The following ERAP1 variants were observed in gnomAD, a reference collection of about 807,000 sequenced individuals.
ERAP1 encodes the protein adipocyte-derived leucine aminopeptidase.
A neutral mutation model predicts 103.7 loss-of-function variants in ERAP1; 86 were observed. The observed-to-expected ratio is 0.83, with a 90% CI of 0.70 to 0.99. The LOEUF (loss-of-function observed/expected upper bound fraction) is 0.99. ERAP1 is among the 50% of genes least tolerant of loss of function. The probability of loss-of-function intolerance (pLI) is 0.00; values close to 1 mark genes in which losing one functional copy is unlikely to be tolerated. For synonymous variants in ERAP1, 398 were observed against 402.4 expected, an observed-to-expected ratio of 0.99 and a Z score of 0.13; for missense variants, 1,009 against 1,128.4, an observed-to-expected ratio of 0.89 and a Z score of 1.52.
intron 14 of ERAP1, among the ~76,000 whole-genome samples, 168 bp from the exon 15 acceptor site, chr5:96,783,403 AAAT>A (rs1360398709): frequency 6.6e-6 from 1 of 151,610 alleles, no homozygotes; most frequent in Non-Finnish European, 1.5e-5. Flanking sequence ...CAAAAACAAT[AAAT>A]AATGATGAAT....
At chr5:96,892,736 C>T in the ERAP1 span, among the ~76,000 whole-genome samples, 2 of 152,164 alleles carry the variant, frequency 1.3e-5, no homozygotes, top group Admixed American at 6.6e-5. Context: ...AGTGACTATA[C>T]AGACACATGA....
chr5:96,793,823 C>T lies in ERAP1; in HGVS notation c.1054G>A (p.Ala352Thr). 6.2e-7 allele frequency: 1 copy of T among 1,613,876 alleles called. No individual in the cohort carries two copies. The highest frequency in any genetic ancestry group is 8.5e-7 in the Non-Finnish European group (1 of 1,179,814). ...TATACCTGGTGAGCCAGTTCATGGG[C>T]CACAGTCATTGTGATGCCAAGCTTA... Reference protein sequence around the residue: ...SSKLGITMTVAHELAHQWFGN... With the variant: ...SSKLGITMTVTHELAHQWFGN... Residue 352 changes from alanine (A) to threonine (T), a missense_variant, in exon 6 of 19, where the codon GCC (alanine) becomes ACC (threonine). Ala to Thr is a moderately conservative substitution (Grantham distance 58). This residue lies in a region of ERAP1 where 392 missense variants were observed against 455.2 expected (regional missense o/e 0.86). Coordinates refer to ENST00000443439, the MANE Select transcript of ERAP1 (RefSeq NM_001040458.3).
At chr5:96,909,765 G>A in the ERAP1 span, 5 of 1,613,762 alleles carry the variant, frequency 3.1e-6, no homozygotes, top group Non-Finnish European at 4.2e-6. Flanking sequence ...GAAAATTAAA[G>A]TAGATGTAGA....
Position 96,784,042 on chromosome 5 carries a change from G to A in ERAP1, c.1982C>T (p.Ser661Phe), listed in dbSNP as rs377644216. 9.9e-6 allele frequency: 16 copies of A among 1,613,952 alleles called. No individual in the cohort carries two copies. Among genetic ancestry groups the A allele is most frequent in the African/African-American group, 6.7e-5 (5 of 74,898 alleles). The stretch of plus-strand genomic sequence containing the variant: ...TTCAGTTTCATGTTTCAAGTACAGG[G>A]ATAAATCCAAGGCCTTTTCAATGGA... ...KLSIEKALDLSLYLKHETEIM... is the reference protein window; with the variant it reads ...KLSIEKALDLFLYLKHETEIM... Residue 661 changes from serine (S) to phenylalanine (F), a missense_variant, in exon 14 of 19, where the codon TCC (serine) becomes TTC (phenylalanine). By Grantham distance (155) the Ser-to-Phe change is radical. This residue lies in a region of ERAP1 where 611 missense variants were observed against 651.7 expected (regional missense o/e 0.94). Transcript: ENST00000443439.
the ERAP1 span, among the ~76,000 whole-genome samples, chr5:96,878,072 T>C: frequency 3.3e-5 from 5 of 152,132 alleles, no homozygotes. Context: ...AAGAATTGAT[T>C]CCCCCAAATT....
At chr5:96,770,676 T>C (rs1561634940), downstream of ERAP1, 1 of 1,001,030 alleles carries the variant, frequency 1.0e-6, no homozygotes, top group Non-Finnish European at 1.6e-6. Context: ...TTCAGTCATT[T>C]AGTTTCCTAC....
At chr5:96,928,746 C>G in the ERAP1 span, among the ~76,000 whole-genome samples, 1 of 152,180 alleles carries the variant, frequency 6.6e-6, no homozygotes, top group Non-Finnish European at 1.5e-5. Context: ...CCATCCATGT[C>G]TACTATTTTA....
At chr5:96,826,081 C>T in the ERAP1 span, among the ~76,000 whole-genome samples, 1 of 152,288 alleles carries the variant, frequency 6.6e-6, no homozygotes, top group South Asian at 2.1e-4. Flanking sequence ...TCCCTGATAT[C>T]TTCTATACTC....
At chr5:96,855,487 G>C in the ERAP1 span, among the ~76,000 whole-genome samples, 1 of 152,116 alleles carries the variant, frequency 6.6e-6, no homozygotes, top group Non-Finnish European at 1.5e-5. Context: ...AACCCAGGTG[G>C]GTGGGCAGCA....
At chr5:96,828,279 A>G in the ERAP1 span, among the ~76,000 whole-genome samples, 1 of 152,238 alleles carries the variant, frequency 6.6e-6, no homozygotes. Context: ...CAAAATAAAC[A>G]TTGATACATT....
At chr5:96,839,169 G>A in the ERAP1 span, among the ~76,000 whole-genome samples, 1 of 152,364 alleles carries the variant, frequency 6.6e-6, no homozygotes, top group African/African-American at 2.4e-5. Context: ...TCTGTGTCTG[G>A]AGGACATGTC....
chr5:96,891,641 T>C, the ERAP1 span, among the ~76,000 whole-genome samples: 5 of 151,600 alleles, frequency 3.3e-5, no homozygotes, highest in Admixed American at 2.6e-4. Context: ...AATCATTAGA[T>C]TGCACTTTTT....
chr5:96,775,873 G>T lies in ERAP1; in HGVS notation c.*523C>A. ...TGACCAACATCCAAAGGGCAAGAAA[G>T]CTTGATGACTTGGCCTTTACAAGTC... On this transcript the variant is annotated 3_prime_UTR_variant, in exon 19 of 19. Coordinates refer to ENST00000443439, the MANE Select transcript of ERAP1 (RefSeq NM_001040458.3). The T allele has an allele frequency of 3.7e-6, 3 of 802,796 alleles. No homozygotes were observed. The highest frequency in any genetic ancestry group is 3.0e-6 in the Non-Finnish European group (2 of 660,094). 49.7% of individuals were successfully genotyped at this position (802,796 alleles called of 1,614,324 possible). A position where few individuals can be genotyped will look rare whatever the true frequency, so the allele number is the denominator to read the frequency against.
chr5:96,886,823 GA>G, the ERAP1 span: 1 of 1,376,038 alleles, frequency 7.3e-7, no homozygotes, highest in Non-Finnish European at 9.5e-7. Flanking sequence ...ACGCAGTGCA[GA>G]AAAGTGTCCT....
chr5:96,763,340 C>T lies in ERAP1; in HGVS notation c.2819-112G>A, dbSNP rs1020095551. On this transcript the variant is annotated intron_variant, in intron 19 of 19. Transcript: ENST00000296754. The stretch of plus-strand genomic sequence containing the variant: ...TAAAGCACTTAAAACCAGTAAAATG[C>T]CCCGTGTGTGTGTATGTGCATGTGC... 5.2e-5 allele frequency: 39 copies of T among 755,494 alleles called. No individual in the cohort carries two copies. In the African/African-American group the frequency reaches 5.6e-4, roughly 11 times the overall value. The allele number at this position is 755,494 out of a possible 1,614,324, so 46.8% of individuals were successfully genotyped here.
At chr5:96,764,246 T>G (rs1769016401) in intron 19 of ERAP1, among the ~76,000 whole-genome samples, 1 of 152,228 alleles carries the variant, frequency 6.6e-6, no homozygotes, top group Non-Finnish European at 1.5e-5. Context: ...TAGTATTGTT[T>G]TAAATGCCTT....
chr5:96,811,857 A>C (rs1370382310), upstream of ERAP1, among the ~76,000 whole-genome samples: 1 of 152,196 alleles, frequency 6.6e-6, no homozygotes, highest in Non-Finnish European at 1.5e-5. Flanking sequence ...CTGCTGTCTA[A>C]GGTAACCTGA....
the ERAP1 span, among the ~76,000 whole-genome samples, chr5:96,926,648 T>C: frequency 4.6e-5 from 7 of 152,390 alleles, 1 homozygote; most frequent in East Asian, 7.7e-4. Flanking sequence ...GGTTCATCTA[T>C]GTTTTAACAT....
chr5:96,845,878 T>C, the ERAP1 span, among the ~76,000 whole-genome samples: 14 of 152,202 alleles, frequency 9.2e-5, no homozygotes, highest in African/African-American at 3.4e-4. Flanking sequence ...ATTATACAAG[T>C]ACATGATTTT....
Sources: allele counts gnomAD v4.1 joint callset (sites outside exome capture counted in the v4.1 genomes callset), GRCh38; gene constraint gnomAD v4.1.1; regional missense constraint gnomAD v4.1.1; transcripts MANE v1.5; gene names NCBI Gene and HGNC (gene_info 2026-07-23, HGNC 2026-07-21).